TMEM132C: variants seen among roughly 807,000 people sequenced by gnomAD.
TMEM132C encodes the protein protein phosphatase 1, regulatory subunit 152.
In TMEM132C, 29 loss-of-function variants were observed where a neutral mutation model predicts 61.4. The observed-to-expected ratio is 0.47, with a 90% CI of 0.35 to 0.64. The LOEUF (loss-of-function observed/expected upper bound fraction) is 0.64, where lower values mean the gene tolerates loss of function less well. Ranked by LOEUF, TMEM132C falls within the 30% of genes least tolerant of loss-of-function variation. The probability of loss-of-function intolerance (pLI) is 0.00; values close to 1 mark genes in which losing one functional copy is unlikely to be tolerated. For synonymous variants in TMEM132C, 656 were observed against 633.1 expected, an observed-to-expected ratio of 1.04 and a Z score of -0.54; for missense variants, 1,408 against 1,476.9, an observed-to-expected ratio of 0.95 and a Z score of 0.76.
Position 128,535,462 on chromosome 12 carries a change from T to TAA in TMEM132C, c.975-8494_975-8493insAA, listed in dbSNP as rs540106640. Among the ~76,000 whole-genome samples, 502 of 152,290 alleles carry TAA rather than the reference T, an allele frequency of 3.3e-3. 2 individuals carry two copies. Among genetic ancestry groups the TAA allele is most frequent in the South Asian group, 0.01 (50 of 4,824 alleles). On this transcript the variant is annotated intron_variant, in intron 2 of 8. Transcript: ENST00000435159. Reference sequence around the variant, plus strand: ...CAGACACTTCGCAAAAGAAGACATCTATGCAGCAAACAGACACATGAAAAA... The same window carrying TAA: ...CAGACACTTCGCAAAAGAAGACATCTAAATGCAGCAAACAGACACATGAAAAA...
At chr12:128,575,486 A>C (rs1223425570) in intron 3 of TMEM132C, among the ~76,000 whole-genome samples, 1 of 151,566 alleles carries the variant, frequency 6.6e-6, no homozygotes, top group African/African-American at 2.4e-5. Context: ...CTCAAAAAGA[A>C]AAAAAAAAGA....
intron 4 of TMEM132C, among the ~76,000 whole-genome samples, chr12:128,656,907 C>G (rs1262339280): frequency 6.6e-6 from 1 of 152,180 alleles, no homozygotes; most frequent in African/African-American, 2.4e-5. Context: ...CAGATCTAAT[C>G]AGTTTATTTT....
intron 2 of TMEM132C, among the ~76,000 whole-genome samples, chr12:128,518,932 C>A (rs776644906): frequency 5.9e-5 from 9 of 152,040 alleles, no homozygotes; most frequent in African/African-American, 2.2e-4. Flanking sequence ...ATAGTACCAC[C>A]CCCTGCCTTT....
At chr12:128,321,883 A>G (rs751189062) in intron 1 of TMEM132C, among the ~76,000 whole-genome samples, 10 of 152,186 alleles carry the variant, frequency 6.6e-5, no homozygotes, top group Non-Finnish European at 1.2e-4. Flanking sequence ...CCTAACTCCA[A>G]TGAGACTGAA....
chr12:128,451,310 T>A (rs1300544184), intron 2 of TMEM132C, among the ~76,000 whole-genome samples: 2 of 152,202 alleles, frequency 1.3e-5, no homozygotes, highest in East Asian at 3.8e-4. Context: ...GTTTTTCCTG[T>A]TTGTCCTAAG....
intron 4 of TMEM132C, among the ~76,000 whole-genome samples, chr12:128,653,221 A>G (rs148367352): frequency 6.6e-6 from 1 of 151,076 alleles, no homozygotes; most frequent in Non-Finnish European, 1.5e-5. Flanking sequence ...AGAATAGGTA[A>G]GTCCATAGAG....
intron 2 of TMEM132C, among the ~76,000 whole-genome samples, chr12:128,495,096 A>G (rs1393751288): frequency 2.1e-5 from 3 of 143,506 alleles, no homozygotes; most frequent in Non-Finnish European, 3.1e-5. Context: ...TCATTTCGTT[A>G]TGTACCCAGT....
chr12:128,440,258 A>G (rs1869738225), intron 2 of TMEM132C, among the ~76,000 whole-genome samples: 1 of 152,230 alleles, frequency 6.6e-6, no homozygotes, highest in African/African-American at 2.4e-5. Context: ...TTGTCTCTAC[A>G]AGGCTTTAAA....
At chr12:128,633,871 A>C (rs977293526) in intron 4 of TMEM132C, among the ~76,000 whole-genome samples, 1 of 152,216 alleles carries the variant, frequency 6.6e-6, no homozygotes, top group Non-Finnish European at 1.5e-5. Flanking sequence ...ATGGTTAATA[A>C]TTAATATTCC....
chr12:128,645,699 G>T (rs1566001069), intron 4 of TMEM132C, among the ~76,000 whole-genome samples: 2 of 152,236 alleles, frequency 1.3e-5, no homozygotes, highest in Non-Finnish European at 1.5e-5. Context: ...CCCAGCAGGG[G>T]CCCCCTTTGG....
chr12:128,648,144 G>T (rs1427890342), intron 4 of TMEM132C, among the ~76,000 whole-genome samples: 2 of 151,806 alleles, frequency 1.3e-5, no homozygotes, highest in Non-Finnish European at 2.9e-5. Flanking sequence ...TTGGATGTGA[G>T]TGTGTTTACC....
intron 1 of TMEM132C, among the ~76,000 whole-genome samples, chr12:128,298,850 A>G (rs1377980323): frequency 6.6e-6 from 1 of 152,246 alleles, no homozygotes; most frequent in African/African-American, 2.4e-5. Flanking sequence ...TGTCCTGCAC[A>G]GCATTTCCCT....
At chr12:128,475,309 A>G (rs1290969255) in intron 2 of TMEM132C, among the ~76,000 whole-genome samples, 1 of 152,208 alleles carries the variant, frequency 6.6e-6, no homozygotes, top group Non-Finnish European at 1.5e-5. Context: ...ACTTATTTCT[A>G]TTCCATTTAT....
intron 2 of TMEM132C, among the ~76,000 whole-genome samples, chr12:128,463,317 CTCTTT>C (rs1365589921): frequency 6.6e-6 from 1 of 151,926 alleles, no homozygotes; most frequent in Admixed American, 6.6e-5. Context: ...ACTCATGCTT[CTCTTT>C]TCTTTTTCTT....
At chr12:128,413,298 CAAAAA>C (rs56026776) in intron 1 of TMEM132C, among the ~76,000 whole-genome samples, 1 of 60,574 alleles carries the variant, frequency 1.7e-5, no homozygotes, top group African/African-American at 6.9e-5. Flanking sequence ...GACTCTGTCT[CAAAAA>C]AAAAAAAAAA....
At chr12:128,619,178 C>A (rs1260715698) in intron 4 of TMEM132C, among the ~76,000 whole-genome samples, 1 of 152,088 alleles carries the variant, frequency 6.6e-6, no homozygotes, top group Non-Finnish European at 1.5e-5. Context: ...GATCTTTGAA[C>A]CAATTAAGCA....
chr12:128,492,054 A>T (rs1195375417), intron 2 of TMEM132C, among the ~76,000 whole-genome samples: 1 of 151,930 alleles, frequency 6.6e-6, no homozygotes, highest in Admixed American at 6.6e-5. Context: ...CCTGTGTCCA[A>T]GCATTCTCAT....
At chr12:128,687,071 G>C (rs1168791669) in intron 5 of TMEM132C, among the ~76,000 whole-genome samples, 1 of 151,936 alleles carries the variant, frequency 6.6e-6, no homozygotes, top group African/African-American at 2.4e-5. Flanking sequence ...GCATGGTAGT[G>C]CATGCCTGTA....
chr12:128,594,933 G>T (rs554950084), intron 3 of TMEM132C, among the ~76,000 whole-genome samples: 1 of 152,218 alleles, frequency 6.6e-6, no homozygotes, highest in South Asian at 2.1e-4. Flanking sequence ...CAGTGCCTGT[G>T]ATTTGAAAAA....
Sources: gnomAD v4.1 joint callset for allele counts (sites outside exome capture counted in the v4.1 genomes callset) on GRCh38, gnomAD v4.1.1 for gene constraint, MANE v1.5 for transcripts, NCBI Gene and HGNC (gene_info 2026-07-23, HGNC 2026-07-21) for gene names.